GREM2: variants seen among roughly 807,000 people sequenced by gnomAD.
GREM2 encodes gremlin 2, DAN family BMP antagonist, also known as gremlin-2.
In GREM2, 11 loss-of-function variants were observed where a neutral mutation model predicts 14.2. That is an observed-to-expected ratio of 0.78 (90% CI 0.49 to 1.28). The LOEUF is 1.28. GREM2 is among the 50% of genes most tolerant of loss of function. The pLI, the probability that GREM2 is intolerant of heterozygous loss-of-function variation, is 0.00. For synonymous variants in GREM2, 98 were observed against 97.6 expected, an observed-to-expected ratio of 1.00 and a Z score of -0.02; for missense variants, 210 against 218.5, an observed-to-expected ratio of 0.96 and a Z score of 0.24.
chr1:240,594,100 C>T (rs1679767623), intron 1 of GREM2, among the ~76,000 whole-genome samples: 1 of 151,926 alleles, frequency 6.6e-6, no homozygotes, highest in Non-Finnish European at 1.5e-5. Flanking sequence ...ACCACAGGCA[C>T]ACAACACTAC....
intron 1 of GREM2, among the ~76,000 whole-genome samples, chr1:240,590,490 G>A (rs903513629): frequency 2.0e-5 from 3 of 151,278 alleles, no homozygotes; most frequent in African/African-American, 7.3e-5. Flanking sequence ...AATGTAATGG[G>A]GCGATCCTGG....
intron 1 of GREM2, among the ~76,000 whole-genome samples, chr1:240,610,787 A>C (rs753642991): frequency 6.6e-6 from 1 of 152,198 alleles, no homozygotes; most frequent in African/African-American, 2.4e-5. Flanking sequence ...CTCTGGCTGT[A>C]CTGGAGTCCC....
At chr1:240,574,120 C>G (rs1419447616) in intron 1 of GREM2, among the ~76,000 whole-genome samples, 1 of 151,998 alleles carries the variant, frequency 6.6e-6, no homozygotes. Context: ...CAGGGTTTCA[C>G]CATGTTGGCC....
chr1:240,565,285 C>G (rs191738817), intron 1 of GREM2, among the ~76,000 whole-genome samples: 1 of 152,178 alleles, frequency 6.6e-6, no homozygotes, highest in East Asian at 1.9e-4. Flanking sequence ...AATGTCATAT[C>G]TTCACTTATG....
At chr1:240,519,778 G>T (rs1163110367) in intron 1 of GREM2, among the ~76,000 whole-genome samples, 1 of 152,036 alleles carries the variant, frequency 6.6e-6, no homozygotes, top group African/African-American at 2.4e-5. Flanking sequence ...ACTTAGCAAT[G>T]GAGTATGAAA....
chr1:240,519,052 C>CTA (rs1354850164), intron 1 of GREM2, among the ~76,000 whole-genome samples: 1 of 152,034 alleles, frequency 6.6e-6, no homozygotes, highest in Non-Finnish European at 1.5e-5. Flanking sequence ...AAGTTTATAA[C>CTA]TATGTGAAAG....
intron 1 of GREM2, among the ~76,000 whole-genome samples, chr1:240,594,440 C>T (rs1479919934): frequency 6.6e-6 from 1 of 151,994 alleles, no homozygotes; most frequent in Non-Finnish European, 1.5e-5. Context: ...CGGAAATAAA[C>T]CAGGAAAGAA....
intron 1 of GREM2, among the ~76,000 whole-genome samples, chr1:240,496,418 A>C (rs1403631735): frequency 6.6e-6 from 1 of 151,956 alleles, no homozygotes; most frequent in Admixed American, 6.6e-5. Context: ...CTTTCTCCCA[A>C]ATGTCTACTT....
chr1:240,492,981 C>G lies in GREM2; in HGVS notation c.495G>C (p.Ser165=), dbSNP rs772365384. 8.4e-6 allele frequency: 13 copies of G among 1,542,392 alleles called. No individual in the cohort carries two copies. The highest frequency in any genetic ancestry group is 6.8e-5 in the African/African-American group (5 of 73,378). ...TCCGGCCCGGCGCTCACTGCTTGTC[C>G]GAGTCGCTCAGGTTCACGGACATGC... is the stretch of plus-strand genomic sequence containing the variant. ...CRCMSVNLSD[S]DKQ The change falls in exon 2 of 2, where the codon TCG becomes TCC. Residue 165 remains serine (S), a synonymous_variant. Coordinates refer to ENST00000318160, the MANE Select transcript of GREM2 (RefSeq NM_022469.4).
Position 240,492,978 on chromosome 1 carries a change from G to T in GREM2, c.498C>A (p.Asp166Glu). Residue 166 changes from aspartate (D) to glutamate (E), a missense_variant, in exon 2 of 2, where the codon GAC becomes GAA. Transcript: ENST00000318160. Reference sequence around the variant, plus strand: ...GCGTCCGGCCCGGCGCTCACTGCTTGTCCGAGTCGCTCAGGTTCACGGACA... The same window carrying T: ...GCGTCCGGCCCGGCGCTCACTGCTTTTCCGAGTCGCTCAGGTTCACGGACA... ...RCMSVNLSDS[D>E]KQ 1.9e-6 allele frequency: 3 copies of T among 1,542,158 alleles called. No homozygotes were observed. The East Asian group carries it at 6.8e-5, about 35-fold the overall frequency.
rs186909438 is a variant in GREM2, at chr1:240,494,766, T to C, written c.-1-1290A>G. ...AATACAAAAAATTAGCCAGGCGTGG[T>C]GGCGGGCGCCTGTAGTCCCAGCTAC... On this transcript the variant is annotated intron_variant, in intron 1 of 1. Coordinates refer to ENST00000318160, the MANE Select transcript of GREM2 (RefSeq NM_022469.4). Among the ~76,000 whole-genome samples, 1,376 of 152,152 alleles carry C rather than the reference T, an allele frequency of 9.0e-3. 16 individuals are homozygous for C. Among genetic ancestry groups the C allele is most frequent in the Non-Finnish European group, 0.015 (1,037 of 67,990 alleles).
intron 1 of GREM2, among the ~76,000 whole-genome samples, chr1:240,529,293 G>A (rs1350662826): frequency 9.5e-6 from 1 of 105,040 alleles, no homozygotes; most frequent in East Asian, 3.1e-4. Context: ...TTCTTATAAA[G>A]TTTGTTAAAC....
chr1:240,496,174 T>C (rs1677409311), intron 1 of GREM2, among the ~76,000 whole-genome samples: 1 of 152,082 alleles, frequency 6.6e-6, no homozygotes, highest in Admixed American at 6.6e-5. Flanking sequence ...TGACCTCAAG[T>C]GATCTGCCGG....
At chr1:240,604,309 A>ATGTGTGTGTGTGTG (rs61016634) in intron 1 of GREM2, among the ~76,000 whole-genome samples, 3 of 116,708 alleles carry the variant, frequency 2.6e-5, no homozygotes, top group South Asian at 6.3e-4. Flanking sequence ...AACTATACGT[A>ATGTGTGTGTGTGTG]TGTGTGTGTG....
intron 1 of GREM2, among the ~76,000 whole-genome samples, chr1:240,560,283 C>G (rs1429264932): frequency 3.3e-5 from 5 of 152,124 alleles, no homozygotes; most frequent in African/African-American, 1.2e-4. Flanking sequence ...TTGGGTGATA[C>G]TGCCGCCATG....
At chr1:240,544,439 G>A (rs796685086) in intron 1 of GREM2, among the ~76,000 whole-genome samples, 14 of 152,088 alleles carry the variant, frequency 9.2e-5, no homozygotes, top group South Asian at 6.2e-4. Context: ...GAGCCACCGC[G>A]CCTGGCCAGT....
intron 1 of GREM2, among the ~76,000 whole-genome samples, chr1:240,555,097 A>T (rs1380921545): frequency 6.6e-6 from 1 of 152,088 alleles, no homozygotes; most frequent in Non-Finnish European, 1.5e-5. Context: ...GTGAGCTGAG[A>T]TCGTACCATT....
At position 240,521,450 on chromosome 1, in the gene GREM2, A is replaced by G. The variant is rs368151753; in HGVS notation, c.-1-27974T>C. On this transcript the variant is annotated intron_variant, in intron 1 of 1. Transcript: ENST00000318160. ...GCCGGGCATGGTGAGGGGCGACTGTAGTCCCAGCTACTCGAGAGGCTGAGG... is the reference window on the plus strand; with the variant it reads ...GCCGGGCATGGTGAGGGGCGACTGTGGTCCCAGCTACTCGAGAGGCTGAGG... Among the ~76,000 whole-genome samples, 309 of 151,800 alleles carry G rather than the reference A, an allele frequency of 2.0e-3. 2 individuals carry two copies. Among genetic ancestry groups the G allele is most frequent in the East Asian group, 7.0e-3 (36 of 5,150 alleles).
intron 1 of GREM2, among the ~76,000 whole-genome samples, chr1:240,601,952 C>A (rs922228272): frequency 6.6e-6 from 1 of 151,168 alleles, no homozygotes; most frequent in Non-Finnish European, 1.5e-5. Context: ...TGTTAAAATA[C>A]CTGGAACATA....
Sources: gnomAD v4.1 joint callset for allele counts (sites outside exome capture counted in the v4.1 genomes callset) on GRCh38, gnomAD v4.1.1 for gene constraint, MANE v1.5 for transcripts, NCBI Gene and HGNC (gene_info 2026-07-23, HGNC 2026-07-21) for gene names.